Variants in ALPK1 observed in about 807,000 individuals in gnomAD.
ALPK1 encodes the protein alpha-protein kinase 1.
In ALPK1, 110 loss-of-function variants were observed where a neutral mutation model predicts 120.6. The ratio of observed to expected loss-of-function variants is 0.91; its 90% CI spans 0.78 to 1.07. The LOEUF (loss-of-function observed/expected upper bound fraction) is 1.07, where lower values mean the gene tolerates loss of function less well. Among genes scored for constraint, ALPK1 ranks in the 50% least tolerant of loss-of-function variants. The pLI is 0.00. For missense variants in ALPK1, 1,498 were observed against 1,483.9 expected (o/e 1.01, Z -0.16); for synonymous variants, 582 against 560.3 (o/e 1.04, Z -0.55).
chr4:112,367,073 A>G (rs1731194138), intron 2 of ALPK1, among the ~76,000 whole-genome samples: 1 of 152,216 alleles, frequency 6.6e-6, no homozygotes, highest in South Asian at 2.1e-4. Flanking sequence ...GGTGAGGAAT[A>G]AAAGACTACA....
rs1258547718 is a variant in ALPK1 at position 112,432,428 on chromosome 4, T to C, written c.2881T>C (p.Leu961=). 1.9e-6 allele frequency: 3 copies of C among 1,614,064 alleles called. No homozygotes were observed. The highest frequency in any genetic ancestry group is 2.7e-5 in the African/African-American group (2 of 74,928). ...TTCCAGTGGGAGTTCTTGGGTTTCA[T>C]TGCCGGGAAAGATGAGGAAAGAGAT... is the stretch of plus-strand genomic sequence containing the variant. ...LNSSGSSWVS[L]PGKMRKEILE... is the part of the protein sequence containing the mutation. The change falls in exon 11 of 16, where the codon TTG becomes CTG. Residue 961 remains leucine, a synonymous_variant. Coordinates refer to ENST00000650871, the MANE Select transcript of ALPK1 (RefSeq NM_025144.4).
chr4:112,432,799 T>C (rs1311058684), intron 11 of ALPK1, among the ~76,000 whole-genome samples: 1 of 152,218 alleles, frequency 6.6e-6, no homozygotes, highest in African/African-American at 2.4e-5. Context: ...CCTTGCATGC[T>C]GGAGGTTTGC....
intron 2 of ALPK1, among the ~76,000 whole-genome samples, chr4:112,376,322 T>C (rs1731658214): frequency 1.3e-5 from 2 of 152,204 alleles, no homozygotes; most frequent in Non-Finnish European, 2.9e-5. Flanking sequence ...AATACATTAG[T>C]ATTTTAAATG....
At position 112,358,812 on chromosome 4, in the gene ALPK1, C is replaced by A. The variant is rs4834268; in HGVS notation, c.-100-18866C>A. ...GGTGGCCATGAAGTAGGAGCTGAGC[C>A]AAGCCAACTTTGCCACCTTCACCCA... On this transcript the variant is annotated intron_variant, in intron 2 of 15. Transcript: ENST00000650871. The A allele has an allele frequency of 4.4e-4, 359 of 813,176 alleles. 2 individuals carry two copies. In the Middle Eastern group the frequency reaches 4.7e-3, roughly 11 times the overall value. 50.4% of individuals were successfully genotyped at this position (813,176 alleles called of 1,614,324 possible).
intron 4 of ALPK1, among the ~76,000 whole-genome samples, chr4:112,402,083 C>T (rs1308109561): frequency 6.6e-6 from 1 of 152,222 alleles, no homozygotes; most frequent in Non-Finnish European, 1.5e-5. Flanking sequence ...TGATGGATAA[C>T]TATGCAGGCG....
chr4:112,347,133 G>A lies in ALPK1; in HGVS notation c.-100-30545G>A, dbSNP rs183325557. Among the ~76,000 whole-genome samples the A allele has an allele frequency of 1.1e-4, 16 of 152,346 alleles. No individual in the cohort carries two copies. In the East Asian group the frequency reaches 2.7e-3, roughly 26 times the overall value. ...TTTAAAATTTGAGAATCAAGCCTAA[G>A]AGTCGTGTCTTTAAATAAACTACAT... On this transcript the variant is annotated intron_variant, in intron 2 of 15. Transcript: ENST00000650871.
At chr4:112,309,470 G>A (rs138340802) in intron 1 of ALPK1, among the ~76,000 whole-genome samples, 2,762 of 152,168 alleles carry the variant, frequency 0.018, 102 homozygotes, top group African/African-American at 0.062. Context: ...CCCCAGCCTC[G>A]CTGCCACCCT....
intron 1 of ALPK1, among the ~76,000 whole-genome samples, chr4:112,300,774 T>C (rs2110517151): frequency 6.6e-6 from 1 of 152,250 alleles, no homozygotes; most frequent in Middle Eastern, 3.4e-3. Flanking sequence ...CTTAACTCAT[T>C]TCTTGTTCTT....
At chr4:112,297,773 A>G (rs2110514003) in intron 1 of ALPK1, among the ~76,000 whole-genome samples, 1 of 152,258 alleles carries the variant, frequency 6.6e-6, no homozygotes. Flanking sequence ...TTTAATAACA[A>G]GTTTCTTAAG....
Position 112,357,371 on chromosome 4 carries a change from C to T in ALPK1, c.-100-20307C>T, listed in dbSNP as rs576139853. 4.5e-5 allele frequency: 32 copies of T among 711,234 alleles called. No individual in the cohort carries two copies. The South Asian group carries it at 4.8e-4, about 11-fold the overall frequency. The allele number at this position is 711,234 out of a possible 1,614,324, so 44.1% of individuals were successfully genotyped here. A position where few individuals can be genotyped will look rare whatever the true frequency, so the allele number is the denominator to read the frequency against. On this transcript the variant is annotated intron_variant, in intron 2 of 15. Transcript: ENST00000650871. The stretch of plus-strand genomic sequence containing the variant: ...GAATGGCCCTGGTTCCCTGGCAGGG[C>T]TGGGGGCCTATAAAGTGCACATCCA...
chr4:112,420,650 G>A lies in ALPK1; in HGVS notation c.476-3294G>A, dbSNP rs114750602. Among the ~76,000 whole-genome samples the A allele has an allele frequency of 5.5e-4, 84 of 152,206 alleles. No individual in the cohort carries two copies. The East Asian group carries it at 0.01, about 19-fold the overall frequency. Reference sequence around the variant, plus strand: ...GAAATGAGAGTCACTCAGCAGTCACGGTTCATATTAATCTAAAATCTAGCC... The same window carrying A: ...GAAATGAGAGTCACTCAGCAGTCACAGTTCATATTAATCTAAAATCTAGCC... On this transcript the variant is annotated intron_variant, in intron 5 of 15. Coordinates refer to ENST00000650871, the MANE Select transcript of ALPK1 (RefSeq NM_025144.4).
At chr4:112,319,928 T>A (rs1218209280) in intron 2 of ALPK1, among the ~76,000 whole-genome samples, 1 of 152,234 alleles carries the variant, frequency 6.6e-6, no homozygotes, top group East Asian at 1.9e-4. Context: ...ATTTACCAGT[T>A]CTAGGAGCTT....
intron 2 of ALPK1, among the ~76,000 whole-genome samples, chr4:112,329,231 G>C (rs72896910): frequency 4.6e-5 from 7 of 152,110 alleles, no homozygotes; most frequent in Non-Finnish European, 1.0e-4. Context: ...AAGCACTTAC[G>C]GAGAATTGTA....
intron 2 of ALPK1, chr4:112,357,307 G>A (rs770877434): frequency 5.3e-5 from 51 of 958,510 alleles, no homozygotes; most frequent in African/African-American, 1.1e-4. Context: ...AGAAGCTGGC[G>A]GATATTGTCC....
chr4:112,298,869 T>C (rs1314616807), intron 1 of ALPK1, among the ~76,000 whole-genome samples: 1 of 152,148 alleles, frequency 6.6e-6, no homozygotes, highest in African/African-American at 2.4e-5. Flanking sequence ...GCTCCTTCTA[T>C]TCCAAACAAT....
At chr4:112,333,936 T>C (rs1475041271) in intron 2 of ALPK1, among the ~76,000 whole-genome samples, 1 of 151,958 alleles carries the variant, frequency 6.6e-6, no homozygotes, top group African/African-American at 2.4e-5. Flanking sequence ...TTTTTTGTGT[T>C]TTTTTTTGGT....
At chr4:112,375,687 G>C (rs1269134215) in intron 2 of ALPK1, among the ~76,000 whole-genome samples, 2 of 151,482 alleles carry the variant, frequency 1.3e-5, no homozygotes, top group Non-Finnish European at 2.9e-5. Context: ...CAATAAGGCT[G>C]TTTCACTTTC....
intron 9 of ALPK1, among the ~76,000 whole-genome samples, chr4:112,428,456 C>G (rs1734338163): frequency 1.3e-5 from 2 of 152,194 alleles, no homozygotes; most frequent in Non-Finnish European, 2.9e-5. Context: ...AGAACACATA[C>G]AGCTTGCTGA....
intron 2 of ALPK1, among the ~76,000 whole-genome samples, chr4:112,327,240 A>T (rs1729153064): frequency 6.6e-6 from 1 of 152,228 alleles, no homozygotes; most frequent in Non-Finnish European, 1.5e-5. Flanking sequence ...AAGCTCTGTG[A>T]TCTTTAATAA....
Sources: gnomAD v4.1 joint callset for allele counts (sites outside exome capture counted in the v4.1 genomes callset) on GRCh38, gnomAD v4.1.1 for gene constraint, MANE v1.5 for transcripts, NCBI Gene and HGNC (gene_info 2026-07-23, HGNC 2026-07-21) for gene names.